The following FER variants were observed in gnomAD, a reference collection of about 807,000 sequenced individuals.
FER encodes FER tyrosine kinase.
Under a neutral mutation model 111.0 loss-of-function variants are expected in FER, and 63 were observed. The observed-to-expected ratio is 0.57, with a 90% CI of 0.46 to 0.70. The LOEUF (loss-of-function observed/expected upper bound fraction) is 0.70, where lower values mean the gene tolerates loss of function less well. Among genes scored for constraint, FER ranks in the 30% least tolerant of loss-of-function variants. The pLI is 0.00. For missense variants in FER, 914 were observed against 954.0 expected, an observed-to-expected ratio of 0.96 and a Z score of 0.55; for synonymous variants, 327 against 313.9, an observed-to-expected ratio of 1.04 and a Z score of -0.44.
At chr5:108,848,033 A>C (rs1444188374) in intron 5 of FER, among the ~76,000 whole-genome samples, 3 of 152,040 alleles carry the variant, frequency 2.0e-5, no homozygotes, top group Admixed American at 2.0e-4. Context: ...GAATACGAGC[A>C]TGTGTTGCCA....
chr5:109,076,068 G>A (rs1303943705), intron 16 of FER, among the ~76,000 whole-genome samples: 2 of 151,428 alleles, frequency 1.3e-5, no homozygotes, highest in South Asian at 2.1e-4. Flanking sequence ...ATATTTTTCC[G>A]ATTGGAGCTT....
intron 17 of FER, among the ~76,000 whole-genome samples, chr5:109,149,274 G>A (rs1754563026): frequency 6.6e-6 from 1 of 152,112 alleles, no homozygotes; most frequent in African/African-American, 2.4e-5. Flanking sequence ...TTACTACAAA[G>A]AGTACAAGAC....
At chr5:108,778,405 A>G (rs1479267939) in intron 2 of FER, among the ~76,000 whole-genome samples, 1 of 152,206 alleles carries the variant, frequency 6.6e-6, no homozygotes, top group African/African-American at 2.4e-5. Flanking sequence ...GAAACTGCCA[A>G]ACTGTCTTCC....
chr5:108,978,443 G>A (rs1761647884), intron 13 of FER, among the ~76,000 whole-genome samples: 1 of 152,072 alleles, frequency 6.6e-6, no homozygotes, highest in Non-Finnish European at 1.5e-5. Context: ...CTCTTTCTTG[G>A]AAATATATTT....
At chr5:108,887,049 T>G (rs1297905161) in intron 9 of FER, among the ~76,000 whole-genome samples, 2 of 151,702 alleles carry the variant, frequency 1.3e-5, no homozygotes, top group Non-Finnish European at 1.5e-5. Flanking sequence ...ATAATTAAAA[T>G]CAATTTTTAT....
At chr5:108,754,523 T>C (rs991093569) in intron 1 of FER, among the ~76,000 whole-genome samples, 10 of 151,972 alleles carry the variant, frequency 6.6e-5, no homozygotes, top group African/African-American at 2.4e-4. Flanking sequence ...CTGAAGTGAA[T>C]GCCCCTTTAG....
At chr5:108,785,471 G>T in intron 2 of FER, 1 of 574,850 alleles carries the variant, frequency 1.7e-6, no homozygotes, top group Non-Finnish European at 3.5e-6. Flanking sequence ...TACCTCCCTG[G>T]CCTGGTCTGT....
At chr5:108,972,527 GTT>G (rs908338166) in intron 13 of FER, among the ~76,000 whole-genome samples, 2 of 152,086 alleles carry the variant, frequency 1.3e-5, no homozygotes, top group African/African-American at 4.8e-5. Context: ...CTTTGAAGTA[GTT>G]ATGGCATTTA....
intron 17 of FER, among the ~76,000 whole-genome samples, chr5:109,146,288 A>C (rs904385737): frequency 3.2e-4 from 37 of 115,426 alleles, no homozygotes; most frequent in East Asian, 4.4e-4. Flanking sequence ...ATATATATAT[A>C]TATCTTGGGT....
intron 5 of FER, among the ~76,000 whole-genome samples, chr5:108,839,421 T>C (rs1412589499): frequency 6.6e-6 from 1 of 152,130 alleles, no homozygotes; most frequent in South Asian, 2.1e-4. Flanking sequence ...GTCAAGTGCC[T>C]GTAGGCTGCT....
chr5:109,003,271 G>T (rs1203024526), intron 13 of FER, among the ~76,000 whole-genome samples: 3 of 152,178 alleles, frequency 2.0e-5, no homozygotes, highest in African/African-American at 7.2e-5. Context: ...TATACACCAT[G>T]TAATACTATG....
chr5:108,856,086 A>G (rs891308996), intron 5 of FER, among the ~76,000 whole-genome samples: 7 of 152,126 alleles, frequency 4.6e-5, no homozygotes, highest in Non-Finnish European at 1.0e-4. Context: ...GAGAGAGGAT[A>G]CATCTAGTAC....
intron 1 of FER, among the ~76,000 whole-genome samples, chr5:108,751,116 C>T (rs1750454105): frequency 1.3e-5 from 2 of 152,068 alleles, no homozygotes. Flanking sequence ...CGCTTGAACC[C>T]GTGAGGCGGA....
chr5:108,896,408 A>G (rs73781912), intron 9 of FER, among the ~76,000 whole-genome samples: 3,198 of 152,332 alleles, frequency 0.021, 107 homozygotes, highest in African/African-American at 0.074. Context: ...CTGTGGATTT[A>G]GAACACAGAT....
intron 17 of FER, among the ~76,000 whole-genome samples, chr5:109,123,958 A>G (rs1261474214): frequency 6.6e-6 from 1 of 152,114 alleles, no homozygotes; most frequent in African/African-American, 2.4e-5. Flanking sequence ...AGCATGGCGC[A>G]GTGGCTCATG....
At chr5:108,787,700 C>T (rs1754896882) in intron 2 of FER, among the ~76,000 whole-genome samples, 1 of 152,188 alleles carries the variant, frequency 6.6e-6, no homozygotes, top group African/African-American at 2.4e-5. Flanking sequence ...AGGAGCTACC[C>T]ACTATGGGTC....
intron 10 of FER, among the ~76,000 whole-genome samples, chr5:108,945,494 A>G (rs1439001465): frequency 6.6e-6 from 1 of 152,022 alleles, no homozygotes; most frequent in Non-Finnish European, 1.5e-5. Flanking sequence ...TTGTGTGGCA[A>G]ATAGCAATCT....
chr5:108,846,295 C>T (rs1762017998), intron 5 of FER, among the ~76,000 whole-genome samples: 1 of 151,784 alleles, frequency 6.6e-6, no homozygotes, highest in Admixed American at 6.6e-5. Context: ...TATTTTAGCC[C>T]AGTATGGTGG....
intron 14 of FER, among the ~76,000 whole-genome samples, chr5:109,041,593 G>A (rs1389480419): frequency 6.6e-6 from 1 of 152,152 alleles, no homozygotes; most frequent in Non-Finnish European, 1.5e-5. Flanking sequence ...AGCTTGGAGT[G>A]CAAGGTAATT....
Sources: allele counts gnomAD v4.1 joint callset (sites outside exome capture counted in the v4.1 genomes callset), GRCh38; gene constraint gnomAD v4.1.1; transcripts MANE v1.5; gene names NCBI Gene and HGNC (gene_info 2026-07-23, HGNC 2026-07-21).